Variants in KIF17 observed in about 807,000 individuals in gnomAD.
KIF17 encodes kinesin-like protein KIF17.
Under a neutral mutation model 96.8 loss-of-function variants are expected in KIF17, and 80 were observed. The ratio of observed to expected loss-of-function variants is 0.83; its 90% confidence interval spans 0.69 to 1.00. KIF17 has a LOEUF of 1.00. Ranked by LOEUF, KIF17 falls within the 50% of genes least tolerant of loss-of-function variation. The pLI, the probability that KIF17 is intolerant of heterozygous loss-of-function variation, is 0.00. For missense variants in KIF17, 1,280 were observed against 1,372.9 expected (o/e 0.93, Z 1.07); for synonymous variants, 567 against 587.5 (o/e 0.97, Z 0.51).
In KIF17 at chr1:20,685,095, A is replaced by G. The variant is rs749515375; in HGVS notation, c.2020-75T>C. On this transcript the variant is annotated intron_variant, in intron 9 of 14. Transcript: ENST00000400463. The surrounding 1 kb of genome is among the most constrained non-coding windows in gnomAD (Gnocchi z 4.1). The stretch of plus-strand genomic sequence containing the variant: ...CCGCCGACAGCTCCCAGGTGGCTCA[A>G]TCCCAGACGGGGCCATTCCGCCTGC... 45 of 1,220,528 alleles carry G rather than the reference A, an allele frequency of 3.7e-5. No individual in the cohort carries two copies. The highest frequency in any genetic ancestry group is 7.1e-6 in the Non-Finnish European group (6 of 845,834). 75.6% of individuals were successfully genotyped at this position (1,220,528 alleles called of 1,614,324 possible). A position where few individuals can be genotyped will look rare whatever the true frequency, so the allele number is the denominator to read the frequency against.
At position 20,717,820 on chromosome 1, in the gene KIF17, G is replaced by T. The variant is rs1331544367; in HGVS notation, c.-114C>A. ...CCGGCCACGGGGGGCGGGGCCTTGAGGCAGGGGCGGGGCCGCGGCGGGGGG... is the reference window on the plus strand; with the variant it reads ...CCGGCCACGGGGGGCGGGGCCTTGATGCAGGGGCGGGGCCGCGGCGGGGGG... On this transcript the variant is annotated 5_prime_UTR_variant, in exon 1 of 15. Coordinates refer to ENST00000400463, the MANE Select transcript of KIF17 (RefSeq NM_001122819.3). 5.2e-6 allele frequency: 6 copies of T among 1,144,298 alleles called. No homozygotes were observed. The highest frequency in any genetic ancestry group is 4.5e-5 in the Admixed American group (1 of 22,254). 70.9% of individuals were successfully genotyped at this position (1,144,298 alleles called of 1,614,324 possible).
chr1:20,705,504 G>A (rs951821240), intron 4 of KIF17, among the ~76,000 whole-genome samples: 1 of 152,110 alleles, frequency 6.6e-6, no homozygotes, highest in African/African-American at 2.4e-5. Flanking sequence ...GCTCTTTTCC[G>A]CTTGCCAGCA....
Position 20,690,345 on chromosome 1 carries a change from TGGGAGG to T in KIF17, c.1234-16_1234-11del. The T allele has an allele frequency of 1.2e-5, 3 of 242,716 alleles. No individual in the cohort carries two copies. Among genetic ancestry groups the T allele is most frequent in the Non-Finnish European group, 2.2e-5 (3 of 136,504 alleles). 15.0% of individuals were successfully genotyped at this position (242,716 alleles called of 1,614,324 possible). A position where few individuals can be genotyped will look rare whatever the true frequency, so the allele number is the denominator to read the frequency against. ...GGCGCTCTTCATACTCCTGGGGGGG[TGGGAGG>T]GACCAGAGGGCAGGCAGCATTTTAT... On this transcript the variant is annotated splice_polypyrimidine_tract_variant and intron_variant, in intron 6 of 14. Transcript: ENST00000400463.
At position 20,695,746 on chromosome 1, in the gene KIF17, C is replaced by T. The variant is rs544233334; in HGVS notation, c.1233+2633G>A. ...CCAGGACCTTGTGCTTGCAATCCGC[C>T]CCCTCCTTCCTATAACCTCGACTTC... On this transcript the variant is annotated intron_variant, in intron 6 of 14. Transcript: ENST00000400463. Among the ~76,000 whole-genome samples the T allele has an allele frequency of 1.6e-4, 24 of 152,268 alleles. No individual in the cohort carries two copies. In the South Asian group the frequency reaches 1.9e-3, roughly 12 times the overall value.
intron 11 of KIF17, among the ~76,000 whole-genome samples, chr1:20,675,972 G>A (rs1395393669): frequency 2.6e-5 from 4 of 152,072 alleles, no homozygotes; most frequent in Non-Finnish European, 5.9e-5. Flanking sequence ...CCCAGGAGAT[G>A]GAGGTTGCAG....
intron 13 of KIF17, among the ~76,000 whole-genome samples, chr1:20,668,209 C>T (rs958250067): frequency 6.6e-6 from 1 of 151,746 alleles, no homozygotes; most frequent in Non-Finnish European, 1.5e-5. Flanking sequence ...ACTTGGGAGG[C>T]TGAGGCAGGA....
In KIF17 at chr1:20,717,814, C is replaced by G. The variant is rs2054611393; in HGVS notation, c.-108G>C. The G allele has an allele frequency of 8.0e-7, 1 of 1,246,874 alleles. No homozygotes were observed. Among genetic ancestry groups the G allele is most frequent in the African/African-American group, 1.6e-5 (1 of 62,356 alleles). The allele number at this position is 1,246,874 out of a possible 1,614,324, so 77.2% of individuals were successfully genotyped here. A position where few individuals can be genotyped will look rare whatever the true frequency, so the allele number is the denominator to read the frequency against. ...CCAGCGCCGGCCACGGGGGGCGGGG[C>G]CTTGAGGCAGGGGCGGGGCCGCGGC... On this transcript the variant is annotated 5_prime_UTR_variant, in exon 1 of 15. Transcript: ENST00000400463.
At chr1:20,701,208 C>T (rs941947419) in intron 5 of KIF17, among the ~76,000 whole-genome samples, 2 of 152,050 alleles carry the variant, frequency 1.3e-5, no homozygotes, top group East Asian at 1.9e-4. Flanking sequence ...CTGAGGCGGG[C>T]GAATCACGAG....
At chr1:20,706,678 G>C (rs1339401036) in intron 4 of KIF17, among the ~76,000 whole-genome samples, 1 of 151,826 alleles carries the variant, frequency 6.6e-6, no homozygotes, top group Non-Finnish European at 1.5e-5. Flanking sequence ...TTGACCCCAG[G>C]AGTTCGAGAC....
intron 11 of KIF17, among the ~76,000 whole-genome samples, chr1:20,680,892 G>T (rs558123437): frequency 1.3e-5 from 2 of 152,146 alleles, no homozygotes; most frequent in South Asian, 4.2e-4. Context: ...GGGAGGCTGA[G>T]GTGGGCGAAT....
Position 20,672,064 on chromosome 1 carries a change from G to A in KIF17, c.2596C>T (p.Pro866Ser). 1 of 1,614,158 alleles carries A rather than the reference G, an allele frequency of 6.2e-7. No homozygotes were observed. The highest frequency in any genetic ancestry group is 8.5e-7 in the Non-Finnish European group (1 of 1,180,038). ...TAGTTACAGTCCCTGCGAATCAGGG[G>A]CTGCACCTGCTCCAGGAGCTGCTGC... ...LLQQLLEQVQ[P>S]LIRRDCNYSN... Residue 866 changes from proline (P) to serine (S), a missense_variant, in exon 12 of 15, where the codon CCC becomes TCC. Pro to Ser is a moderately conservative substitution (Grantham distance 74). Coordinates refer to ENST00000400463, the MANE Select transcript of KIF17 (RefSeq NM_001122819.3). This position sits in a 1 kb window ranked among gnomAD's most constrained non-coding sequence, Gnocchi z 4.3.
At chr1:20,682,937 AC>A in intron 10 of KIF17, 53 bp from the exon 11 acceptor site, 1 of 1,515,858 alleles carries the variant, frequency 6.6e-7, no homozygotes, top group Non-Finnish European at 9.1e-7. Flanking sequence ...ATCACCGAGC[AC>A]GTGCCATCCA....
At position 20,713,014 on chromosome 1, in the gene KIF17, G is replaced by C. The variant is rs934681779; in HGVS notation, c.480+440C>G. Among the ~76,000 whole-genome samples the C allele has an allele frequency of 5.0e-5, 7 of 140,548 alleles. No individual in the cohort carries two copies. In the South Asian group the frequency reaches 1.1e-3, roughly 22 times the overall value. The allele number at this position is 140,548 out of a possible 152,430, so 92.2% of individuals were successfully genotyped here. ...TATATAATATAGATATATATATTTT[G>C]AGACGGAGTCTCACTGTGTTGCCCA... On this transcript the variant is annotated intron_variant, in intron 3 of 14. Coordinates refer to ENST00000400463, the MANE Select transcript of KIF17 (RefSeq NM_001122819.3).
intron 6 of KIF17, among the ~76,000 whole-genome samples, chr1:20,690,900 G>A (rs970182098): frequency 7.9e-5 from 12 of 151,936 alleles, no homozygotes; most frequent in African/African-American, 2.9e-4. Flanking sequence ...TGTTAGCCAG[G>A]ATGGTTTCGA....
rs1210483010 is a variant in KIF17, at chr1:20,687,831, T to G, written c.1495A>C (p.Lys499Gln). Residue 499 changes from lysine (K) to glutamine (Q), a missense_variant, in exon 8 of 15, where the codon AAG becomes CAG. Transcript: ENST00000400463. This position sits in a 1 kb window ranked among gnomAD's most constrained non-coding sequence, Gnocchi z 4.4. ...AFQYETVVKPKVFSTTDTLPS... is the reference protein window; with the variant it reads ...AFQYETVVKPQVFSTTDTLPS... ...AGAGTGTCAGTCGTGGAGAAGACCT[T>G]GGGTTTCACCACTGTCTCATACTGA... The G allele has an allele frequency of 1.2e-6, 2 of 1,613,942 alleles. No individual in the cohort carries two copies. The highest frequency in any genetic ancestry group is 1.7e-6 in the Non-Finnish European group (2 of 1,179,998).
intron 5 of KIF17, among the ~76,000 whole-genome samples, chr1:20,703,481 TGG>T (rs2054280482): frequency 8.0e-6 from 1 of 125,066 alleles, no homozygotes; most frequent in Non-Finnish European, 1.7e-5. Context: ...GATGGATAGA[TGG>T]ATAGATGGAT....
chr1:20,674,591 T>A (rs921411974), intron 11 of KIF17, among the ~76,000 whole-genome samples: 3 of 151,450 alleles, frequency 2.0e-5, no homozygotes, highest in Admixed American at 1.3e-4. Context: ...TTTTTTTTTT[T>A]AAGTAACTTG....
At chr1:20,708,304 C>T (rs1484262887) in intron 4 of KIF17, among the ~76,000 whole-genome samples, 1 of 152,324 alleles carries the variant, frequency 6.6e-6, no homozygotes, top group East Asian at 1.9e-4. Context: ...CTGGGCAATG[C>T]GTCCAGGAGG....
chr1:20,686,676 C>T lies in KIF17; in HGVS notation c.1939-550G>A, dbSNP rs60161524. ...GTTCAAGTGATCCTCCTGCCTCAGC[C>T]TCCTGAGTAGCTGGGATTACAGGTG... On this transcript the variant is annotated intron_variant, in intron 8 of 14. Coordinates refer to ENST00000400463, the MANE Select transcript of KIF17 (RefSeq NM_001122819.3). 7.0e-4 allele frequency among the ~76,000 whole-genome samples: 107 copies of T among 152,292 alleles called. No homozygotes were observed. In the East Asian group the frequency reaches 0.019, roughly 27 times the overall value.
Sources: allele counts gnomAD v4.1 joint callset (sites outside exome capture counted in the v4.1 genomes callset), GRCh38; gene constraint gnomAD v4.1.1; non-coding constraint Gnocchi (gnomAD v3.1); transcripts MANE v1.5; gene names NCBI Gene and HGNC (gene_info 2026-07-23, HGNC 2026-07-21).